Variants in NCKAP5 observed in about 807,000 individuals in gnomAD.
NCKAP5 encodes the protein nck-associated protein 5.
NCKAP5 carries 92 observed loss-of-function variants against 167.0 expected under a neutral mutation model. That is an observed-to-expected ratio of 0.55 (90% CI 0.47 to 0.66). The LOEUF is 0.66. Ranked by LOEUF, NCKAP5 falls within the 30% of genes least tolerant of loss-of-function variation. NCKAP5 has a pLI of 0.00. For missense variants in NCKAP5, 2,378 were observed against 2,315.0 expected (o/e 1.03, Z -0.56); for synonymous variants, 891 against 877.4 (o/e 1.02, Z -0.27).
At chr2:133,257,710 A>C (rs2088689281) in intron 4 of NCKAP5, among the ~76,000 whole-genome samples, 1 of 152,214 alleles carries the variant, frequency 6.6e-6, no homozygotes, top group Admixed American at 6.5e-5. Context: ...GAACATGAAG[A>C]TTGTGAACAA....
chr2:133,199,853 T>C (rs2085596894), intron 5 of NCKAP5, among the ~76,000 whole-genome samples: 1 of 151,976 alleles, frequency 6.6e-6, no homozygotes, highest in South Asian at 2.1e-4. Context: ...AATGAACTAC[T>C]AATCAGCAAC....
chr2:132,963,606 T>A (rs1163855478), intron 8 of NCKAP5, 114 bp downstream of exon 8: 3 of 1,083,918 alleles, frequency 2.8e-6, no homozygotes, highest in Non-Finnish European at 2.7e-6. Flanking sequence ...TAGATCATAT[T>A]AGTCTGGGAG....
At chr2:132,719,692 G>T (rs1342913403) in intron 19 of NCKAP5, among the ~76,000 whole-genome samples, 1 of 152,230 alleles carries the variant, frequency 6.6e-6, no homozygotes, top group African/African-American at 2.4e-5. Context: ...CCGAGGCAGT[G>T]CTGGGGTGAG....
chr2:133,474,077 T>G (rs558744377), intron 3 of NCKAP5, among the ~76,000 whole-genome samples: 1 of 152,222 alleles, frequency 6.6e-6, no homozygotes, highest in African/African-American at 2.4e-5. Context: ...TCAACCTAAG[T>G]GTCTGTCAAC....
intron 11 of NCKAP5, among the ~76,000 whole-genome samples, chr2:132,797,627 G>A (rs1435417890): frequency 6.6e-6 from 1 of 152,136 alleles, no homozygotes; most frequent in Non-Finnish European, 1.5e-5. Flanking sequence ...TCTCGCTTCC[G>A]AAAAGTTTTT....
Position 132,977,618 on chromosome 2 carries a change from T to C in NCKAP5, c.430-13749A>G, listed in dbSNP as rs965568499. ...ACCTAAAAGAAGAGCTCGAATAAGA[T>C]GCATTAACTATACTACTTTTGAAAG... On this transcript the variant is annotated intron_variant, in intron 7 of 19. Coordinates refer to ENST00000409261, the MANE Select transcript of NCKAP5 (RefSeq NM_207363.3). Among the ~76,000 whole-genome samples the C allele has an allele frequency of 8.5e-5, 13 of 152,308 alleles. No individual in the cohort carries two copies. The East Asian group carries it at 1.9e-3, about 23-fold the overall frequency.
chr2:133,190,597 G>A (rs1386861015), intron 5 of NCKAP5, among the ~76,000 whole-genome samples: 4 of 152,000 alleles, frequency 2.6e-5, no homozygotes, highest in Non-Finnish European at 1.5e-5. Context: ...ACACAACAGA[G>A]CCCTCAGAAA....
chr2:133,393,988 G>T (rs1403557033), intron 3 of NCKAP5, among the ~76,000 whole-genome samples: 1 of 152,174 alleles, frequency 6.6e-6, no homozygotes, highest in Non-Finnish European at 1.5e-5. Context: ...GGCCCCATTT[G>T]CATATTCTTT....
intron 8 of NCKAP5, among the ~76,000 whole-genome samples, chr2:132,945,600 T>G (rs1368420812): frequency 6.6e-6 from 1 of 152,188 alleles, no homozygotes; most frequent in Non-Finnish European, 1.5e-5. Flanking sequence ...AATGGGTCAC[T>G]TCTCTTACAA....
chr2:133,638,819 C>A, the NCKAP5 span, among the ~76,000 whole-genome samples: 1 of 149,832 alleles, frequency 6.7e-6, no homozygotes, highest in Non-Finnish European at 1.5e-5. Context: ...GATTTCACCA[C>A]TGCGCTCCAG....
chr2:132,767,190 A>AC (rs1681574595), intron 16 of NCKAP5, among the ~76,000 whole-genome samples: 1 of 152,086 alleles, frequency 6.6e-6, no homozygotes, highest in South Asian at 2.1e-4. Context: ...ATTTGCTCAA[A>AC]CCAGTACCAA....
At chr2:133,462,619 G>C (rs1024478182) in intron 3 of NCKAP5, among the ~76,000 whole-genome samples, 1 of 152,122 alleles carries the variant, frequency 6.6e-6, no homozygotes, top group Admixed American at 6.6e-5. Context: ...CAAGCCTAGA[G>C]TTTTACTACT....
intron 3 of NCKAP5, among the ~76,000 whole-genome samples, chr2:133,403,694 G>C (rs1688241708): frequency 6.6e-6 from 1 of 152,202 alleles, no homozygotes; most frequent in Non-Finnish European, 1.5e-5. Flanking sequence ...CTGCCATGGA[G>C]AATGTCCCCA....
chr2:133,385,110 T>C (rs981442828), intron 3 of NCKAP5, among the ~76,000 whole-genome samples: 2 of 152,230 alleles, frequency 1.3e-5, no homozygotes, highest in African/African-American at 4.8e-5. Flanking sequence ...AGAGAGGGCA[T>C]CCCTGTCTTG....
At chr2:132,707,648 T>G (rs747826468) in intron 19 of NCKAP5, among the ~76,000 whole-genome samples, 1 of 152,290 alleles carries the variant, frequency 6.6e-6, no homozygotes, top group Admixed American at 6.5e-5. Flanking sequence ...GCACTGGTGA[T>G]GTAAGCGTGA....
At chr2:132,737,643 G>A (rs1001132140) in intron 16 of NCKAP5, among the ~76,000 whole-genome samples, 2 of 152,106 alleles carry the variant, frequency 1.3e-5, no homozygotes, top group Non-Finnish European at 2.9e-5. Context: ...AGCTGCCTCC[G>A]CTTCTGGCCT....
intron 4 of NCKAP5, among the ~76,000 whole-genome samples, chr2:133,297,444 A>C (rs952899220): frequency 2.0e-5 from 3 of 152,102 alleles, no homozygotes; most frequent in Non-Finnish European, 4.4e-5. Context: ...AAACCCAGAG[A>C]TAGATTATAG....
chr2:133,023,703 G>A (rs1225545917), intron 6 of NCKAP5, among the ~76,000 whole-genome samples: 2 of 152,120 alleles, frequency 1.3e-5, no homozygotes, highest in East Asian at 3.9e-4. Flanking sequence ...TGCAATATTC[G>A]ATTTTCTGTT....
At chr2:132,924,255 C>T (rs955953663) in intron 8 of NCKAP5, among the ~76,000 whole-genome samples, 4 of 152,076 alleles carry the variant, frequency 2.6e-5, no homozygotes, top group African/African-American at 9.7e-5. Flanking sequence ...CCGCAGTGGC[C>T]ATCAAAAAAT....
Sources: allele counts gnomAD v4.1 joint callset (sites outside exome capture counted in the v4.1 genomes callset), GRCh38; gene constraint gnomAD v4.1.1; transcripts MANE v1.5; gene names NCBI Gene and HGNC (gene_info 2026-07-23, HGNC 2026-07-21).